The following NCKAP5 variants were observed in gnomAD, a reference collection of about 807,000 sequenced individuals.
NCKAP5 encodes nck-associated protein 5.
A neutral mutation model predicts 167.0 loss-of-function variants in NCKAP5; 92 were observed. That is an observed-to-expected ratio of 0.55 (90% CI 0.47 to 0.66). The LOEUF (loss-of-function observed/expected upper bound fraction) is 0.66, where lower values mean the gene tolerates loss of function less well. Ranked by LOEUF, NCKAP5 falls within the 30% of genes least tolerant of loss-of-function variation. NCKAP5 has a pLI of 0.00. For missense variants in NCKAP5, 2,378 were observed against 2,315.0 expected (o/e 1.03, Z -0.56); for synonymous variants, 891 against 877.4 (o/e 1.02, Z -0.27).
At chr2:132,775,079 C>T (rs1182073574) in intron 15 of NCKAP5, among the ~76,000 whole-genome samples, 1 of 152,148 alleles carries the variant, frequency 6.6e-6, no homozygotes, top group Non-Finnish European at 1.5e-5. Context: ...AGACAGCCAC[C>T]TAGGCAGCCA....
chr2:133,605,830 G>T, the NCKAP5 span, among the ~76,000 whole-genome samples: 54,802 of 151,960 alleles, frequency 0.36, 10,916 homozygotes, highest in African/African-American at 0.55. Flanking sequence ...CCCTAATACA[G>T]TAGCACATGT....
chr2:133,454,698 G>C (rs1190829078), intron 3 of NCKAP5, among the ~76,000 whole-genome samples: 3 of 152,024 alleles, frequency 2.0e-5, no homozygotes, highest in African/African-American at 4.8e-5. Context: ...TTCTTAGATG[G>C]TTCAACATTT....
intron 11 of NCKAP5, among the ~76,000 whole-genome samples, chr2:132,808,150 C>T (rs540300557): frequency 1.6e-4 from 24 of 152,070 alleles, no homozygotes; most frequent in Admixed American, 7.2e-4. Context: ...TTGTTGGATT[C>T]GGTTAGCTAG....
chr2:133,570,155 T>C (rs1395116605), upstream of NCKAP5, among the ~76,000 whole-genome samples: 4 of 152,152 alleles, frequency 2.6e-5, no homozygotes, highest in Non-Finnish European at 4.4e-5. Context: ...AGGTGGCATA[T>C]TGAACACGAA....
the NCKAP5 span, among the ~76,000 whole-genome samples, chr2:133,669,412 C>A: frequency 6.6e-6 from 1 of 152,060 alleles, no homozygotes; most frequent in Admixed American, 6.6e-5. Context: ...TCTTTTCCCC[C>A]CTATCATTCT....
intron 5 of NCKAP5, among the ~76,000 whole-genome samples, chr2:133,137,382 T>TA (rs1460605046): frequency 6.7e-6 from 1 of 149,802 alleles, no homozygotes; most frequent in Non-Finnish European, 1.5e-5. Context: ...TTATTCTAAC[T>TA]AAAAAAAGAT....
At position 132,783,515 on chromosome 2, in the gene NCKAP5, G is replaced by C; in HGVS notation, c.3296C>G (p.Pro1099Arg). ...KGQLNDSASTPPKPSFLGVNE... is the reference protein window; with the variant it reads ...KGQLNDSASTRPKPSFLGVNE... ...TACCCCTAAGAAGGAAGGCTTGGGG[G>C]GTGTGGAGGCGCTATCATTCAATTG... The change falls in exon 14 of 20, where the codon CCC becomes CGC. Residue 1099 changes from proline (P) to arginine (R), a missense_variant. Around this residue, in one of 3 missense-constraint regions of NCKAP5, gnomAD observed 1,325 missense variants for 1,274.5 expected, o/e 1.04. Transcript: ENST00000409261. 4 of 1,612,786 alleles carry C rather than the reference G, an allele frequency of 2.5e-6. No individual in the cohort carries two copies. The highest frequency in any genetic ancestry group is 3.4e-6 in the Non-Finnish European group (4 of 1,179,268).
At chr2:132,756,971 T>G (rs1321153619) in intron 16 of NCKAP5, among the ~76,000 whole-genome samples, 1 of 152,172 alleles carries the variant, frequency 6.6e-6, no homozygotes, top group African/African-American at 2.4e-5. Context: ...TTCAAATTCC[T>G]CCAGCTTTTA....
intron 7 of NCKAP5, among the ~76,000 whole-genome samples, chr2:132,976,815 A>C (rs2076990691): frequency 6.6e-6 from 1 of 151,978 alleles, no homozygotes; most frequent in Non-Finnish European, 1.5e-5. Context: ...AAAAAATTCT[A>C]TCTCTGTTCT....
At position 132,785,567 on chromosome 2, in the gene NCKAP5, A is replaced by G. The variant is rs779288747; in HGVS notation, c.1244T>C (p.Leu415Pro). The change falls in exon 14 of 20, where the codon CTT becomes CCT. Residue 415 changes from leucine (L) to proline (P), a missense_variant. This residue lies in a region of NCKAP5 where 1,049 missense variants were observed against 1,023.4 expected (regional missense o/e 1.02). Coordinates refer to ENST00000409261, the MANE Select transcript of NCKAP5 (RefSeq NM_207363.3). ...LRKLQKRKVL[L>P]EPPSVITKWG... ...TTTGGTTATCACTGATGGGGGTTCA[A>G]GTAACACTTTTCGCTTCTGTAGCTT... 6.3e-7 allele frequency: 1 copy of G among 1,599,292 alleles called. No individual in the cohort carries two copies. Among genetic ancestry groups the G allele is most frequent in the South Asian group, 1.1e-5 (1 of 88,342 alleles).
intron 4 of NCKAP5, among the ~76,000 whole-genome samples, chr2:133,262,785 G>A (rs779126019): frequency 6.6e-6 from 1 of 152,184 alleles, no homozygotes; most frequent in Non-Finnish European, 1.5e-5. Flanking sequence ...AGCTAAGTAT[G>A]AAATGGCACA....
chr2:133,548,061 T>C (rs972924394), intron 2 of NCKAP5, among the ~76,000 whole-genome samples: 12 of 145,382 alleles, frequency 8.3e-5, no homozygotes, highest in African/African-American at 2.8e-4. Flanking sequence ...AAACCAAGGC[T>C]TGAGAACTAC....
chr2:133,178,912 T>G (rs1168508086), intron 5 of NCKAP5, among the ~76,000 whole-genome samples: 4 of 150,772 alleles, frequency 2.7e-5, no homozygotes, highest in African/African-American at 9.7e-5. Context: ...ATTCCTTTAA[T>G]CCCAACACTT....
At chr2:132,919,719 G>A (rs1695161977) in intron 8 of NCKAP5, among the ~76,000 whole-genome samples, 1 of 152,048 alleles carries the variant, frequency 6.6e-6, no homozygotes, top group Non-Finnish European at 1.5e-5. Flanking sequence ...AGAAAAAAAT[G>A]AGAAGGAATA....
chr2:132,905,310 T>C (rs563557415), intron 8 of NCKAP5, among the ~76,000 whole-genome samples: 1 of 152,324 alleles, frequency 6.6e-6, no homozygotes, highest in African/African-American at 2.4e-5. Flanking sequence ...TATTCTGTTT[T>C]ATGGATCCAC....
At position 133,485,300 on chromosome 2, in the gene NCKAP5, G is replaced by T. The variant is rs114713967; in HGVS notation, c.69+32158C>A. On this transcript the variant is annotated intron_variant, in intron 3 of 19. Coordinates refer to ENST00000409261, the MANE Select transcript of NCKAP5 (RefSeq NM_207363.3). ...GAGTCTTTCCTCCCCCCGACAGCAC[G>T]CCTGGCCCTCTAATTCCCTAAAATG... Among the ~76,000 whole-genome samples the T allele has an allele frequency of 2.6e-3, 394 of 152,182 alleles. 4 individuals are homozygous for T. Among genetic ancestry groups the T allele is most frequent in the African/African-American group, 8.7e-3 (361 of 41,526 alleles).
chr2:133,109,172 T>A (rs553670759), intron 6 of NCKAP5, among the ~76,000 whole-genome samples: 1 of 152,306 alleles, frequency 6.6e-6, no homozygotes, highest in South Asian at 2.1e-4. Context: ...TTCCTGAGCA[T>A]CTTGGGATAA....
chr2:133,236,797 T>A (rs2087442922), intron 4 of NCKAP5, among the ~76,000 whole-genome samples: 1 of 152,184 alleles, frequency 6.6e-6, no homozygotes, highest in Non-Finnish European at 1.5e-5. Context: ...AGCTTGGGAA[T>A]CTCAGTCACA....
chr2:133,120,878 G>A (rs2082228809), intron 6 of NCKAP5, among the ~76,000 whole-genome samples: 1 of 152,106 alleles, frequency 6.6e-6, no homozygotes, highest in Non-Finnish European at 1.5e-5. Context: ...TCTTCTATAT[G>A]CTTAACCTAA....
Sources: gnomAD v4.1 joint callset for allele counts (sites outside exome capture counted in the v4.1 genomes callset) on GRCh38, gnomAD v4.1.1 for gene constraint, gnomAD v4.1.1 regional missense constraint, MANE v1.5 for transcripts, NCBI Gene and HGNC (gene_info 2026-07-23, HGNC 2026-07-21) for gene names.